CCDC149: variants seen among roughly 807,000 people sequenced by gnomAD.
CCDC149 encodes the protein coiled-coil domain-containing protein 149.
A neutral mutation model predicts 59.9 loss-of-function variants in CCDC149; 45 were observed. The ratio of observed to expected loss-of-function variants is 0.75; its 90% confidence interval spans 0.59 to 0.96. CCDC149 has a LOEUF of 0.96. Among genes scored for constraint, CCDC149 ranks in the 40% least tolerant of loss-of-function variants. The pLI is 0.00. For synonymous variants in CCDC149, 245 were observed against 260.6 expected, an observed-to-expected ratio of 0.94 and a Z score of 0.58; for missense variants, 584 against 664.7, an observed-to-expected ratio of 0.88 and a Z score of 1.33.
chr4:24,929,241 G>A (rs1428639114), intron 1 of CCDC149, among the ~76,000 whole-genome samples: 7 of 152,096 alleles, frequency 4.6e-5, no homozygotes, highest in Non-Finnish European at 1.0e-4. Context: ...ACAGCCCGTC[G>A]TCTGCAGCAC....
intron 1 of CCDC149, among the ~76,000 whole-genome samples, chr4:24,900,772 A>G (rs1721119985): frequency 1.3e-5 from 2 of 152,238 alleles, no homozygotes; most frequent in Admixed American, 1.3e-4. Flanking sequence ...TTTAGGAGGG[A>G]TGTGGGGTTC....
chr4:24,812,076 C>T (rs1008837854), intron 12 of CCDC149, among the ~76,000 whole-genome samples: 4 of 152,156 alleles, frequency 2.6e-5, no homozygotes, highest in Non-Finnish European at 5.9e-5. Flanking sequence ...TTGCCTCCCT[C>T]TTGAAAGGAT....
intron 9 of CCDC149, among the ~76,000 whole-genome samples, chr4:24,826,252 GC>G (rs1490628533): frequency 6.6e-6 from 1 of 152,168 alleles, no homozygotes; most frequent in African/African-American, 2.4e-5. Flanking sequence ...GAGCCACCGT[GC>G]CCAGCCCAGT....
At chr4:24,827,508 G>A (rs950010007) in intron 9 of CCDC149, 2 of 152,256 alleles carry the variant, frequency 1.3e-5, no homozygotes, top group African/African-American at 4.8e-5. Context: ...GTAAGGCATG[G>A]GCCTGGGGGG....
intron 1 of CCDC149, among the ~76,000 whole-genome samples, chr4:24,901,426 A>G (rs773385254): frequency 6.6e-6 from 1 of 152,226 alleles, no homozygotes; most frequent in Non-Finnish European, 1.5e-5. Context: ...TCTTCAGCCA[A>G]TGTATTTTAT....
intron 1 of CCDC149, among the ~76,000 whole-genome samples, chr4:24,969,517 C>T (rs369973373): frequency 2.0e-5 from 3 of 152,136 alleles, no homozygotes; most frequent in South Asian, 2.1e-4. Context: ...TATAATTGAG[C>T]GATATAATGA....
At chr4:24,922,811 G>A (rs905478335) in intron 1 of CCDC149, among the ~76,000 whole-genome samples, 66 of 152,068 alleles carry the variant, frequency 4.3e-4, no homozygotes, top group African/African-American at 1.5e-3. Context: ...GTTTTCTTGC[G>A]TACCCCTTTG....
At chr4:24,935,665 T>C (rs1011917321) in intron 1 of CCDC149, among the ~76,000 whole-genome samples, 1 of 152,156 alleles carries the variant, frequency 6.6e-6, no homozygotes, top group African/African-American at 2.4e-5. Flanking sequence ...ACACCAAATC[T>C]GCAGGGCATT....
At position 24,831,446 on chromosome 4, in the gene CCDC149, T is replaced by C. The variant is rs1312974860; in HGVS notation, c.965+60A>G. 2.5e-6 allele frequency: 4 copies of C among 1,578,546 alleles called. No individual in the cohort carries two copies. In the East Asian group the frequency reaches 6.8e-5, roughly 27 times the overall value. ...GTTCCAGCTGGTTGACATTCACTTC[T>C]GGTAGCCTCGTCCCACTTCCTTCGC... On this transcript the variant is annotated intron_variant, in intron 9 of 12. Transcript: ENST00000635206.
At position 24,918,099 on chromosome 4, in the gene CCDC149, C is replaced by G. The variant is rs549976434; in HGVS notation, c.-64-22981G>C. ...AAATAGGATCACCTACATTGCCCTC[C>G]TATCTAATTTTTGTCTTAGGGTGGG... On this transcript the variant is annotated intron_variant, in intron 1 of 12. Coordinates refer to the CCDC149 transcript ENST00000389609. Among the ~76,000 whole-genome samples, 6 of 152,186 alleles carry G rather than the reference C, an allele frequency of 3.9e-5. No individual in the cohort carries two copies. In the East Asian group the frequency reaches 1.2e-3, roughly 29 times the overall value.
intron 11 of CCDC149, 159 bp from the exon 12 acceptor site, chr4:24,820,134 C>T: frequency 1.7e-6 from 1 of 598,968 alleles, no homozygotes; most frequent in Non-Finnish European, 3.0e-6. Flanking sequence ...CTTCCTTACA[C>T]TATTGCACCA....
At chr4:24,936,176 AC>A (rs1476828212) in intron 1 of CCDC149, among the ~76,000 whole-genome samples, 34 of 152,168 alleles carry the variant, frequency 2.2e-4, no homozygotes, top group African/African-American at 8.0e-4. Flanking sequence ...GCTAATATAC[AC>A]AACTCTTTCC....
At chr4:24,867,265 G>C (rs568910932) in intron 3 of CCDC149, among the ~76,000 whole-genome samples, 1 of 152,346 alleles carries the variant, frequency 6.6e-6, no homozygotes, top group African/African-American at 2.4e-5. Context: ...TGTCCACTAT[G>C]AACAGGAGGA....
intron 1 of CCDC149, among the ~76,000 whole-genome samples, chr4:24,889,433 G>A (rs534656398): frequency 5.3e-5 from 8 of 152,274 alleles, no homozygotes; most frequent in African/African-American, 1.9e-4. Flanking sequence ...CTTGTCTCAG[G>A]CCGAGATGCT....
At chr4:24,834,611 C>G (rs1376739482) in intron 8 of CCDC149, among the ~76,000 whole-genome samples, 2 of 152,090 alleles carry the variant, frequency 1.3e-5, no homozygotes, top group African/African-American at 4.8e-5. Flanking sequence ...GGGAATATGC[C>G]CAAATGGGGT....
intron 1 of CCDC149, among the ~76,000 whole-genome samples, chr4:24,978,421 A>T (rs1724313536): frequency 6.6e-6 from 1 of 152,214 alleles, no homozygotes; most frequent in Non-Finnish European, 1.5e-5. Flanking sequence ...TAATGTAGAC[A>T]CCAGGAAATT....
chr4:24,849,376 T>C (rs183192542), intron 4 of CCDC149, among the ~76,000 whole-genome samples: 2 of 152,288 alleles, frequency 1.3e-5, no homozygotes, highest in Admixed American at 1.3e-4. Flanking sequence ...ATCCAGTAGG[T>C]TTCCCTTTTC....
intron 9 of CCDC149, among the ~76,000 whole-genome samples, chr4:24,824,564 G>GAAACAT (rs1439220972): frequency 5.3e-5 from 8 of 152,120 alleles, no homozygotes; most frequent in African/African-American, 1.9e-4. Context: ...TTTTACATGT[G>GAAACAT]GACTGTAAGA....
chr4:24,901,020 G>C (rs535002771), intron 1 of CCDC149, among the ~76,000 whole-genome samples: 2 of 152,196 alleles, frequency 1.3e-5, no homozygotes, highest in African/African-American at 4.8e-5. Context: ...CCGAGTAAGA[G>C]GACATCATGA....
Sources: gnomAD v4.1 joint callset for allele counts (sites outside exome capture counted in the v4.1 genomes callset) on GRCh38, gnomAD v4.1.1 for gene constraint, MANE v1.5 for transcripts, NCBI Gene and HGNC (gene_info 2026-07-23, HGNC 2026-07-21) for gene names.